USH2A: variants seen among roughly 807,000 people sequenced by gnomAD.
USH2A encodes the protein usherin.
In USH2A, 443 loss-of-function variants were observed where a neutral mutation model predicts 538.9. The ratio of observed to expected loss-of-function variants is 0.82; its 90% CI spans 0.76 to 0.89. The LOEUF is 0.89. Among genes scored for constraint, USH2A ranks in the 40% least tolerant of loss-of-function variants. USH2A has a pLI of 0.00. For synonymous variants in USH2A, 2,413 were observed against 2,273.5 expected, an observed-to-expected ratio of 1.06 and a Z score of -1.75; for missense variants, 6,633 against 6,324.8, an observed-to-expected ratio of 1.05 and a Z score of -1.65.
chr1:216,236,253 C>T (rs2035813929), intron 13 of USH2A, among the ~76,000 whole-genome samples: 2 of 151,544 alleles, frequency 1.3e-5, no homozygotes, highest in African/African-American at 4.8e-5. Context: ...CTTGCTGATT[C>T]CTATTTCCTT....
intron 49 of USH2A, among the ~76,000 whole-genome samples, chr1:215,805,559 G>A (rs1213796030): frequency 1.3e-5 from 2 of 151,986 alleles, no homozygotes; most frequent in African/African-American, 2.4e-5. Context: ...TGAATTGTGT[G>A]CTTAAAAAAT....
chr1:215,742,698 C>T lies in USH2A; in HGVS notation c.11548+479G>A, dbSNP rs112262654. Among the ~76,000 whole-genome samples the T allele has an allele frequency of 6.9e-3, 1,051 of 152,206 alleles. 13 individuals are homozygous for T. The highest frequency in any genetic ancestry group is 0.024 in the African/African-American group (999 of 41,548). On this transcript the variant is annotated intron_variant, in intron 59 of 71. Transcript: ENST00000307340. ...ACTGACCACAGCCTAAGCCATGAAA[C>T]ACAAGGTGATAGTTTGTATATATGA...
chr1:215,862,709 TA>T (rs934381763), intron 44 of USH2A, among the ~76,000 whole-genome samples: 1 of 152,216 alleles, frequency 6.6e-6, no homozygotes, highest in Non-Finnish European at 1.5e-5. Context: ...TACTCTGTAT[TA>T]CAAATACTAG....
chr1:215,829,885 C>T (rs1190009178), intron 47 of USH2A, among the ~76,000 whole-genome samples: 1 of 151,974 alleles, frequency 6.6e-6, no homozygotes, highest in Non-Finnish European at 1.5e-5. Context: ...AGGAAAGTTG[C>T]CAAAGGCATT....
At position 216,000,571 on chromosome 1, in the gene USH2A, T is replaced by C. The variant is rs1444476278; in HGVS notation, c.6326-9A>G. ...TGTAAATACTGCTAAATCTAGGGGA[T>C]AGGGAGAAACAAGAATTTACTCAGC... On this transcript the variant is annotated splice_polypyrimidine_tract_variant and intron_variant, in intron 32 of 71. Transcript: ENST00000307340. 1 of 1,613,128 alleles carries C rather than the reference T, an allele frequency of 6.2e-7. No homozygotes were observed. Among genetic ancestry groups the C allele is most frequent in the Middle Eastern group, 1.7e-4 (1 of 6,052 alleles).
At chr1:216,120,536 C>T (rs371935823) in intron 21 of USH2A, among the ~76,000 whole-genome samples, 2 of 151,858 alleles carry the variant, frequency 1.3e-5, no homozygotes, top group East Asian at 2.0e-4. Context: ...CCCGCCACAG[C>T]GCCCAGCTAA....
At chr1:215,814,234 TAA>T (rs1266970852) in intron 48 of USH2A, among the ~76,000 whole-genome samples, 1 of 147,134 alleles carries the variant, frequency 6.8e-6, no homozygotes, top group African/African-American at 2.5e-5. Context: ...ATAAAAGATA[TAA>T]GATGTATATC....
intron 35 of USH2A, among the ~76,000 whole-genome samples, chr1:215,975,953 A>G (rs1345796018): frequency 6.6e-6 from 1 of 152,202 alleles, no homozygotes; most frequent in Admixed American, 6.6e-5. Context: ...CTTCATGAGC[A>G]TGGAACATTT....
intron 32 of USH2A, among the ~76,000 whole-genome samples, chr1:216,036,176 T>C (rs1204082836): frequency 6.6e-6 from 1 of 152,106 alleles, no homozygotes; most frequent in Non-Finnish European, 1.5e-5. Flanking sequence ...TAGGGAAAAC[T>C]AGAGATAAGT....
Position 215,826,004 on chromosome 1 carries a change from A to G in USH2A, c.9372-8809T>C, listed in dbSNP as rs145302973. On this transcript the variant is annotated intron_variant, in intron 47 of 71. Coordinates refer to ENST00000307340, the MANE Select transcript of USH2A (RefSeq NM_206933.4). ...GGAACTCTTAAATTTGGCAGTCTGT[A>G]TGAGCATAGGAAATAAAGCTTACTT... Among the ~76,000 whole-genome samples, 16 of 152,316 alleles carry G rather than the reference A, an allele frequency of 1.1e-4. No individual in the cohort carries two copies. In the East Asian group the frequency reaches 3.1e-3, roughly 29 times the overall value.
intron 9 of USH2A, among the ~76,000 whole-genome samples, chr1:216,309,857 T>G (rs1282958416): frequency 6.6e-6 from 1 of 152,192 alleles, no homozygotes. Flanking sequence ...TAGCTGATTT[T>G]TGAATGCTGA....
intron 44 of USH2A, among the ~76,000 whole-genome samples, chr1:215,862,237 T>G (rs1571757849): frequency 6.6e-6 from 1 of 152,312 alleles, no homozygotes; most frequent in Admixed American, 6.5e-5. Context: ...TTCAACTCAC[T>G]GTAGAAATGC....
intron 58 of USH2A, among the ~76,000 whole-genome samples, chr1:215,757,628 T>C (rs1017709314): frequency 2.0e-5 from 3 of 152,226 alleles, no homozygotes; most frequent in African/African-American, 7.2e-5. Context: ...AAATTTTACT[T>C]GGAAAGAAAA....
chr1:216,281,388 A>T lies in USH2A; in HGVS notation c.1971+7892T>A, dbSNP rs1220385373. On this transcript the variant is annotated intron_variant, in intron 11 of 71. Coordinates refer to ENST00000307340, the MANE Select transcript of USH2A (RefSeq NM_206933.4). ...TATATAAAAGGAAAAATGTTTTTAA[A>T]ACCAAAAAAGTTAACATTTTAAAGC... Among the ~76,000 whole-genome samples the T allele has an allele frequency of 2.0e-5, 3 of 152,156 alleles. No individual in the cohort carries two copies. The East Asian group carries it at 5.8e-4, about 29-fold the overall frequency.
intron 4 of USH2A, among the ~76,000 whole-genome samples, chr1:216,357,801 A>C (rs994012207): frequency 6.6e-6 from 1 of 152,108 alleles, no homozygotes; most frequent in African/African-American, 2.4e-5. Flanking sequence ...AAATTTGGAG[A>C]GCTAGTATGG....
chr1:215,821,822 T>A (rs1279479178), intron 47 of USH2A, among the ~76,000 whole-genome samples: 2 of 151,636 alleles, frequency 1.3e-5, no homozygotes, highest in East Asian at 3.9e-4. Flanking sequence ...CTTCTGTCTC[T>A]TCTATCATTC....
At chr1:215,820,420 C>A (rs1231241052) in intron 47 of USH2A, among the ~76,000 whole-genome samples, 6 of 151,618 alleles carry the variant, frequency 4.0e-5, no homozygotes, top group Non-Finnish European at 8.9e-5. Context: ...GGATTACAAT[C>A]TTGGGGAAGC....
intron 38 of USH2A, among the ~76,000 whole-genome samples, chr1:215,930,257 A>G (rs978468284): frequency 2.0e-5 from 3 of 152,038 alleles, no homozygotes; most frequent in African/African-American, 7.2e-5. Context: ...AACTTTCATT[A>G]AAAATCTGTT....
intron 38 of USH2A, among the ~76,000 whole-genome samples, chr1:215,915,259 C>A (rs1665922258): frequency 6.6e-6 from 1 of 152,014 alleles, no homozygotes. Flanking sequence ...CCAAACCAGA[C>A]CTTTGCCCTT....
Sources: allele counts gnomAD v4.1 joint callset (sites outside exome capture counted in the v4.1 genomes callset), GRCh38; gene constraint gnomAD v4.1.1; transcripts MANE v1.5; gene names NCBI Gene and HGNC (gene_info 2026-07-23, HGNC 2026-07-21).